The following ARMC9 variants were observed in gnomAD, a reference collection of about 807,000 sequenced individuals.
The protein encoded by ARMC9 is armadillo repeat containing 9, also known as lisH domain-containing protein ARMC9.
In ARMC9, 94 loss-of-function variants were observed where a neutral mutation model predicts 107.0. That is an observed-to-expected ratio of 0.88 (90% CI 0.74 to 1.04). ARMC9 has a LOEUF of 1.04. Ranked by LOEUF, ARMC9 falls within the 50% of genes least tolerant of loss-of-function variation. ARMC9 has a pLI of 0.00. For synonymous variants in ARMC9, 380 were observed against 396.9 expected (o/e 0.96, Z 0.51); for missense variants, 942 against 1,030.1 (o/e 0.91, Z 1.17).
intron 12 of ARMC9, 103 bp downstream of exon 12, chr2:231,262,501 C>T (rs1356113597): frequency 7.9e-6 from 9 of 1,137,000 alleles, no homozygotes; most frequent in South Asian, 1.3e-5. Context: ...TTTTCAGCTT[C>T]GTAACTGTAT....
At chr2:231,265,612 G>A (rs895713841) in intron 12 of ARMC9, among the ~76,000 whole-genome samples, 1 of 151,938 alleles carries the variant, frequency 6.6e-6, no homozygotes, top group African/African-American at 2.4e-5. Context: ...TCCACTGGGT[G>A]CACTGAAGTC....
intron 9 of ARMC9, among the ~76,000 whole-genome samples, chr2:231,240,762 G>A (rs1337868070): frequency 2.6e-5 from 4 of 151,988 alleles, no homozygotes; most frequent in Non-Finnish European, 4.4e-5. Context: ...TGCATTTCCC[G>A]TCCTCTGGTC....
In ARMC9 at chr2:231,233,039, C is replaced by T. The variant is rs548874012; in HGVS notation, c.623-2185C>T. On this transcript the variant is annotated intron_variant, in intron 7 of 24. Coordinates refer to ENST00000611582, the MANE Select transcript of ARMC9 (RefSeq NM_001352754.2). ...CTAGTTTTTGTATTTTTAGTAGAGACGGGGTTTCACCATGTTGGCCAGGCT... is the reference window on the plus strand; with the variant it reads ...CTAGTTTTTGTATTTTTAGTAGAGATGGGGTTTCACCATGTTGGCCAGGCT... Among the ~76,000 whole-genome samples, 67 of 148,514 alleles carry T rather than the reference C, an allele frequency of 4.5e-4. No homozygotes were observed. The South Asian group carries it at 0.012, about 27-fold the overall frequency.
At chr2:231,328,971 C>T (rs371365270) in intron 19 of ARMC9, among the ~76,000 whole-genome samples, 7 of 151,620 alleles carry the variant, frequency 4.6e-5, no homozygotes, top group Non-Finnish European at 8.8e-5. Context: ...CCCACCACCA[C>T]GGCGGGCTAC....
chr2:231,331,534 C>T (rs2043736106), intron 19 of ARMC9, among the ~76,000 whole-genome samples: 2 of 152,178 alleles, frequency 1.3e-5, no homozygotes, highest in Admixed American at 6.5e-5. Context: ...CCTTCTGGAA[C>T]CTCCGCACAA....
At chr2:231,325,324 T>C (rs2043253811) in intron 19 of ARMC9, among the ~76,000 whole-genome samples, 1 of 152,230 alleles carries the variant, frequency 6.6e-6, no homozygotes, top group African/African-American at 2.4e-5. Flanking sequence ...GTAAGTTGAT[T>C]TGCAAGTAAA....
intron 19 of ARMC9, among the ~76,000 whole-genome samples, chr2:231,314,463 C>T (rs2042549074): frequency 6.6e-6 from 1 of 152,102 alleles, no homozygotes; most frequent in African/African-American, 2.4e-5. Flanking sequence ...CATTTATGGT[C>T]TCTGCTTTTG....
At chr2:231,256,109 C>A in intron 9 of ARMC9, 1 of 1,553,034 alleles carries the variant, frequency 6.4e-7, no homozygotes. Context: ...GGACACCAGC[C>A]GTGTGCAGCC....
At chr2:231,200,729 G>C (rs1207784352) in intron 1 of ARMC9, among the ~76,000 whole-genome samples, 1 of 152,064 alleles carries the variant, frequency 6.6e-6, no homozygotes, top group East Asian at 1.9e-4. Context: ...CAGCTACTTG[G>C]GAGGCTGAGG....
chr2:231,358,569 A>G lies in ARMC9; in HGVS notation c.2132-2185A>G, dbSNP rs1441746919. Among the ~76,000 whole-genome samples, 1 of 152,096 alleles carries G rather than the reference A, an allele frequency of 6.6e-6. No homozygotes were observed. The highest frequency in any genetic ancestry group is 1.5e-5 in the Non-Finnish European group (1 of 68,006). ...CAGCGCTCCCCACAGGTCTCCTTGC[A>G]CACAGCTCGCTGCTGAGTCTGGCCT... On this transcript the variant is annotated intron_variant, in intron 22 of 24. Coordinates refer to ENST00000611582, the MANE Select transcript of ARMC9 (RefSeq NM_001352754.2). This position sits in a 1 kb window ranked among gnomAD's most constrained non-coding sequence, Gnocchi z 4.5.
intron 21 of ARMC9, among the ~76,000 whole-genome samples, chr2:231,349,074 G>C (rs879291050): frequency 2.0e-5 from 3 of 152,102 alleles, no homozygotes; most frequent in Non-Finnish European, 4.4e-5. Flanking sequence ...CAGCAGTCCC[G>C]CTGCTGGGTA....
chr2:231,267,502 A>G lies in ARMC9; in HGVS notation c.1120-3480A>G, dbSNP rs570712410. Among the ~76,000 whole-genome samples the G allele has an allele frequency of 4.6e-5, 7 of 152,314 alleles. No individual in the cohort carries two copies. In the East Asian group the frequency reaches 7.7e-4, roughly 17 times the overall value. On this transcript the variant is annotated intron_variant, in intron 12 of 24. Transcript: ENST00000611582. ...TGCCTCAGCCTCCCAAAGTGCTGGGATTACAGGTGTGAACCACTGCACCCG... is the reference window on the plus strand; with the variant it reads ...TGCCTCAGCCTCCCAAAGTGCTGGGGTTACAGGTGTGAACCACTGCACCCG...
intron 9 of ARMC9, among the ~76,000 whole-genome samples, chr2:231,241,263 C>T (rs1371408196): frequency 1.3e-5 from 2 of 151,750 alleles, no homozygotes; most frequent in South Asian, 2.1e-4. Context: ...TAATTAGATT[C>T]GGGTTATGCA....
chr2:231,331,766 G>A lies in ARMC9; in HGVS notation c.1774-27G>A, dbSNP rs1453890657. 3.8e-6 allele frequency: 6 copies of A among 1,596,264 alleles called. No individual in the cohort carries two copies. The Admixed American group carries it at 1.0e-4, about 27-fold the overall frequency. On this transcript the variant is annotated intron_variant, in intron 19 of 24. Transcript: ENST00000611582. ...GGGAGCTTGTGTCAGGGTGTCCATG[G>A]CATTCACCCCATGTCTCCTGAAACA...
intron 1 of ARMC9, among the ~76,000 whole-genome samples, chr2:231,204,952 G>A (rs1019542867): frequency 6.6e-6 from 1 of 152,006 alleles, no homozygotes; most frequent in African/African-American, 2.4e-5. Context: ...GGAGGGCGCT[G>A]GAACCACAGG....
intron 9 of ARMC9, among the ~76,000 whole-genome samples, chr2:231,247,464 C>T (rs2036877145): frequency 1.3e-5 from 2 of 152,222 alleles, no homozygotes; most frequent in South Asian, 2.1e-4. Context: ...GATTTTCTTA[C>T]ATCTTGGCAA....
chr2:231,320,530 A>G (rs1470217940), intron 19 of ARMC9, among the ~76,000 whole-genome samples: 2 of 151,410 alleles, frequency 1.3e-5, no homozygotes, highest in Admixed American at 6.6e-5. Context: ...AGATGTGAAC[A>G]GCAAGTTCAT....
intron 17 of ARMC9, among the ~76,000 whole-genome samples, chr2:231,282,477 G>A (rs1370880792): frequency 6.6e-6 from 1 of 152,220 alleles, no homozygotes; most frequent in East Asian, 1.9e-4. Context: ...AGTAAACTCA[G>A]TGTTTAATGT....
intron 3 of ARMC9, among the ~76,000 whole-genome samples, chr2:231,210,169 G>A (rs1401581671): frequency 1.3e-5 from 2 of 152,208 alleles, no homozygotes; most frequent in Non-Finnish European, 2.9e-5. Context: ...GAAGTGGCCC[G>A]TGGAGCTCAA....
Sources: gnomAD v4.1 joint callset for allele counts (sites outside exome capture counted in the v4.1 genomes callset) on GRCh38, gnomAD v4.1.1 for gene constraint, Gnocchi (gnomAD v3.1) non-coding constraint, MANE v1.5 for transcripts, NCBI Gene and HGNC (gene_info 2026-07-23, HGNC 2026-07-21) for gene names.